The following DAB1 variants were observed in gnomAD, a reference collection of about 807,000 sequenced individuals.
The protein encoded by DAB1 is DAB adaptor protein 1, also known as disabled homolog 1.
Under a neutral mutation model 64.6 loss-of-function variants are expected in DAB1, and 15 were observed. The observed-to-expected ratio is 0.23, with a 90% CI of 0.16 to 0.36. DAB1 has a LOEUF of 0.36. Among genes scored for constraint, DAB1 ranks in the 10% least tolerant of loss-of-function variants. The probability of loss-of-function intolerance (pLI) is 1.00; values close to 1 mark genes in which losing one functional copy is unlikely to be tolerated. For missense variants in DAB1, 596 were observed against 706.7 expected, an observed-to-expected ratio of 0.84 and a Z score of 1.78; for synonymous variants, 235 against 251.9, an observed-to-expected ratio of 0.93 and a Z score of 0.64.
intron 6 of DAB1, among the ~76,000 whole-genome samples, chr1:57,701,565 G>A (rs1646908113): frequency 6.6e-6 from 1 of 151,876 alleles, no homozygotes; most frequent in South Asian, 2.1e-4. Flanking sequence ...AGGAGGGAGG[G>A]ATAGCATTAG....
intron 9 of DAB1, among the ~76,000 whole-genome samples, chr1:57,057,861 G>GCA (rs1557644477): frequency 2.6e-5 from 4 of 152,040 alleles, no homozygotes; most frequent in African/African-American, 9.7e-5. Context: ...GCCCGCCTTG[G>GCA]CCTCCCAAAG....
intron 2 of DAB1, among the ~76,000 whole-genome samples, chr1:57,287,273 C>T (rs1356524476): frequency 6.6e-6 from 1 of 152,124 alleles, no homozygotes; most frequent in Non-Finnish European, 1.5e-5. Context: ...TGGGGTTTCA[C>T]CATGTTGCCC....
intron 6 of DAB1, among the ~76,000 whole-genome samples, chr1:57,748,489 G>A (rs1648391578): frequency 6.6e-6 from 1 of 152,056 alleles, no homozygotes; most frequent in South Asian, 2.1e-4. Flanking sequence ...AAACATTCTT[G>A]GCACATGTGT....
intron 7 of DAB1, among the ~76,000 whole-genome samples, chr1:57,433,722 A>G (rs79916824): frequency 0.12 from 18,326 of 152,016 alleles, 1,173 homozygotes; most frequent in Middle Eastern, 0.15. Flanking sequence ...GTAAACCACA[A>G]ACTTGGGGAA....
rs1403015065 is a variant in DAB1 at position 58,300,643 on chromosome 1, AGAGAGG to A, written n.309+42703_309+42708del. ...GAGAGAGAGAGAGAGAGAGAGAGAG[AGAGAGG>A]AAGGAAGGAAGGAAGGAAGGAAGGA... On this transcript the variant is annotated intron_variant and non_coding_transcript_variant, in intron 4 of 20. Transcript: ENST00000485760. Among the ~76,000 whole-genome samples, 237 of 53,892 alleles carry A rather than the reference AGAGAGG, an allele frequency of 4.4e-3. 9 individuals are homozygous for A. The highest frequency in any genetic ancestry group is 0.021 in the East Asian group (27 of 1,264). 35.4% of individuals were successfully genotyped at this position (53,892 alleles called of 152,430 possible). A position where few individuals can be genotyped will look rare whatever the true frequency, so the allele number is the denominator to read the frequency against.
chr1:58,441,097 A>G (rs1645003251), intron 3 of DAB1, among the ~76,000 whole-genome samples: 1 of 152,204 alleles, frequency 6.6e-6, no homozygotes, highest in Admixed American at 6.5e-5. Flanking sequence ...GGGCCTGCAC[A>G]TTGACAAAGA....
intron 7 of DAB1, among the ~76,000 whole-genome samples, chr1:57,593,380 C>A (rs1427503521): frequency 2.6e-5 from 4 of 152,156 alleles, no homozygotes; most frequent in East Asian, 3.9e-4. Context: ...TACATGTAGA[C>A]CACATTTTCT....
chr1:58,009,655 T>G lies in DAB1; in HGVS notation n.388-125493A>C, dbSNP rs140481639. Among the ~76,000 whole-genome samples the G allele has an allele frequency of 6.9e-3, 1,051 of 152,330 alleles. 14 individuals carry two copies. Among genetic ancestry groups the G allele is most frequent in the African/African-American group, 0.024 (1,006 of 41,578 alleles). On this transcript the variant is annotated intron_variant and non_coding_transcript_variant, in intron 5 of 20. Transcript: ENST00000485760. ...ATAAAATAGTTGTTTGTACACTTGT[T>G]CTTTATTTCCCACCACTATAATAGA...
chr1:57,583,922 C>G (rs1645346965), intron 7 of DAB1, among the ~76,000 whole-genome samples: 1 of 152,150 alleles, frequency 6.6e-6, no homozygotes, highest in Non-Finnish European at 1.5e-5. Flanking sequence ...TAGGGCTATG[C>G]TGTTTTCTCT....
chr1:57,191,284 C>T (rs966770312), intron 2 of DAB1, among the ~76,000 whole-genome samples: 3 of 152,146 alleles, frequency 2.0e-5, no homozygotes, highest in South Asian at 4.1e-4. Flanking sequence ...TATGGAGACG[C>T]CCACACCTGA....
intron 5 of DAB1, among the ~76,000 whole-genome samples, chr1:57,941,972 G>A (rs913660226): frequency 6.6e-6 from 1 of 152,148 alleles, no homozygotes; most frequent in African/African-American, 2.4e-5. Context: ...TAGAACCTCA[G>A]ACCTCAGTTT....
At position 57,836,675 on chromosome 1, in the gene DAB1, T is replaced by C. The variant is rs181235005; in HGVS notation, n.88-10220A>G. Among the ~76,000 whole-genome samples the C allele has an allele frequency of 2.1e-4, 32 of 152,370 alleles. No homozygotes were observed. In the East Asian group the frequency reaches 6.0e-3, roughly 29 times the overall value. On this transcript the variant is annotated intron_variant and non_coding_transcript_variant, in intron 1 of 1. Transcript: ENST00000477280. ...ATCTCTTGATTATCACTGTGGGTTGTAATGTACACTCTATTAAATGGGCAA... is the reference window on the plus strand; with the variant it reads ...ATCTCTTGATTATCACTGTGGGTTGCAATGTACACTCTATTAAATGGGCAA...
rs1202083912 is a variant in DAB1 at position 57,958,003 on chromosome 1, T to C, written n.388-73841A>G. 1.3e-5 allele frequency among the ~76,000 whole-genome samples: 2 copies of C among 151,764 alleles called. 1 individual carries two copies. Among genetic ancestry groups the C allele is most frequent in the South Asian group, 4.2e-4 (2 of 4,814 alleles). Reference sequence around the variant, plus strand: ...CCAGGATGATGTGCTTTTTTTTTTTTAGGCGGAGTCTAACTTTGTTGCCCA... The same window carrying C: ...CCAGGATGATGTGCTTTTTTTTTTTCAGGCGGAGTCTAACTTTGTTGCCCA... On this transcript the variant is annotated intron_variant and non_coding_transcript_variant, in intron 5 of 20. Transcript: ENST00000485760.
chr1:58,403,954 A>G (rs771264603), intron 3 of DAB1, among the ~76,000 whole-genome samples: 5 of 152,222 alleles, frequency 3.3e-5, no homozygotes, highest in Non-Finnish European at 7.3e-5. Context: ...ACTCAAATTT[A>G]CATTATGGAA....
At chr1:57,650,968 G>A (rs1646249243) in intron 6 of DAB1, among the ~76,000 whole-genome samples, 1 of 152,104 alleles carries the variant, frequency 6.6e-6, no homozygotes, top group Admixed American at 6.5e-5. Context: ...GCCTAAGGGA[G>A]GAATGAGTGT....
chr1:57,869,454 A>G (rs1654442531), intron 1 of DAB1, among the ~76,000 whole-genome samples: 1 of 152,146 alleles, frequency 6.6e-6, no homozygotes, highest in African/African-American at 2.4e-5. Context: ...TTCAAGCTGG[A>G]AAATTCTCCA....
chr1:58,463,807 A>T (rs770765568), intron 3 of DAB1, among the ~76,000 whole-genome samples: 1 of 152,224 alleles, frequency 6.6e-6, no homozygotes, highest in Non-Finnish European at 1.5e-5. Flanking sequence ...AGATATATGA[A>T]TTCTGTACAT....
At chr1:57,833,065 GAAA>G (rs3082004) in intron 1 of DAB1, among the ~76,000 whole-genome samples, 34,363 of 145,128 alleles carry the variant, frequency 0.24, 4,694 homozygotes, top group Middle Eastern at 0.32. Flanking sequence ...GACTGAGACT[GAAA>G]AAAAAAAAAA....
intron 2 of DAB1, among the ~76,000 whole-genome samples, chr1:58,515,473 G>C (rs1646145370): frequency 6.6e-6 from 1 of 152,028 alleles, no homozygotes; most frequent in Non-Finnish European, 1.5e-5. Flanking sequence ...CTTAGGTAAA[G>C]TTTTATCATA....
Sources: gnomAD v4.1 joint callset for allele counts (sites outside exome capture counted in the v4.1 genomes callset) on GRCh38, gnomAD v4.1.1 for gene constraint, MANE v1.5 for transcripts, NCBI Gene and HGNC (gene_info 2026-07-23, HGNC 2026-07-21) for gene names.